PTGER3: variants seen among roughly 807,000 people sequenced by gnomAD.
PTGER3 encodes the protein prostaglandin E2 receptor EP3 subtype.
Under a neutral mutation model 34.7 loss-of-function variants are expected in PTGER3, and 22 were observed. That is an observed-to-expected ratio of 0.63 (90% CI 0.45 to 0.91). PTGER3 has a LOEUF of 0.91. Ranked by LOEUF, PTGER3 falls within the 40% of genes least tolerant of loss-of-function variation. PTGER3 has a pLI of 0.00. For missense variants in PTGER3, 468 were observed against 519.4 expected (o/e 0.90, Z 0.96); for synonymous variants, 241 against 230.1 (o/e 1.05, Z -0.43).
intron 2 of PTGER3, chr1:71,007,082 G>A (rs1443113592): frequency 2.0e-6 from 2 of 984,618 alleles, no homozygotes; most frequent in Non-Finnish European, 2.4e-6. Flanking sequence ...ACTTTACATA[G>A]AGGTGATAAA....
chr1:70,856,389 G>A (rs1163680402), intron 4 of PTGER3, among the ~76,000 whole-genome samples: 1 of 139,150 alleles, frequency 7.2e-6, no homozygotes, highest in Non-Finnish European at 1.5e-5. Context: ...GCAGTGAGTC[G>A]ATATTGCACC....
chr1:70,919,542 A>G (rs992283649), intron 4 of PTGER3, among the ~76,000 whole-genome samples: 2 of 152,194 alleles, frequency 1.3e-5, no homozygotes, highest in African/African-American at 4.8e-5. Flanking sequence ...ATCTACTTGT[A>G]TGTATTTAAA....
chr1:70,962,489 A>C (rs1286452488), intron 2 of PTGER3, among the ~76,000 whole-genome samples: 1 of 152,172 alleles, frequency 6.6e-6, no homozygotes, highest in East Asian at 1.9e-4. Flanking sequence ...TCTATAAAAA[A>C]AAAAGACGTT....
At chr1:70,981,323 CTTTCTTTCTTTCTTTCTTT>C (rs1654271858) in intron 2 of PTGER3, among the ~76,000 whole-genome samples, 1 of 52,754 alleles carries the variant, frequency 1.9e-5, no homozygotes, top group South Asian at 5.3e-4. Context: ...TTCCTTTCTT[CTTTCTTTCTTTCTTTCTTT>C]CTTTCTTTCT....
At chr1:70,938,889 G>T (rs923911093) in intron 4 of PTGER3, among the ~76,000 whole-genome samples, 1 of 151,992 alleles carries the variant, frequency 6.6e-6, no homozygotes, top group Non-Finnish European at 1.5e-5. Flanking sequence ...ATTCCACGCC[G>T]GCCCCTCCAA....
chr1:70,979,646 TC>T (rs1175857075), intron 2 of PTGER3, among the ~76,000 whole-genome samples: 1 of 152,056 alleles, frequency 6.6e-6, no homozygotes, highest in Non-Finnish European at 1.5e-5. Context: ...TTCTTATCTT[TC>T]CTCTCAGAAT....
intron 4 of PTGER3, among the ~76,000 whole-genome samples, chr1:70,944,599 G>A (rs1650050697): frequency 6.6e-6 from 1 of 152,002 alleles, no homozygotes; most frequent in Non-Finnish European, 1.5e-5. Context: ...AGATAAACAT[G>A]GATAGCATAT....
In PTGER3 at chr1:71,027,156, T is replaced by G. The variant is rs190313923; in HGVS notation, c.898-14672A>C. Among the ~76,000 whole-genome samples, 323 of 152,276 alleles carry G rather than the reference T, an allele frequency of 2.1e-3. 4 individuals are homozygous for G. Among genetic ancestry groups the G allele is most frequent in the African/African-American group, 7.4e-3 (309 of 41,566 alleles). On this transcript the variant is annotated intron_variant, in intron 1 of 3. Coordinates refer to ENST00000306666, the MANE Select transcript of PTGER3 (RefSeq NM_198719.2). ...AATTCATCTAAAATCCTATATTTGATGTAAGTTTCTTTTGTTATTTTTTTT... is the reference window on the plus strand; with the variant it reads ...AATTCATCTAAAATCCTATATTTGAGGTAAGTTTCTTTTGTTATTTTTTTT...
rs573760617 is a variant in PTGER3, at chr1:70,975,064, A to C, written c.1078-676T>G. 1.2e-4 allele frequency among the ~76,000 whole-genome samples: 18 copies of C among 152,266 alleles called. No individual in the cohort carries two copies. The East Asian group carries it at 2.3e-3, about 20-fold the overall frequency. On this transcript the variant is annotated intron_variant, in intron 2 of 3. Coordinates refer to ENST00000306666, the MANE Select transcript of PTGER3 (RefSeq NM_198719.2). Reference sequence around the variant, plus strand: ...ACTGGTGCCTCACTATATGACATCTACTATTTTTTCTTTCAGGAACTCATG... The same window carrying C: ...ACTGGTGCCTCACTATATGACATCTCCTATTTTTTCTTTCAGGAACTCATG...
At chr1:70,940,877 A>C (rs934779592) in intron 4 of PTGER3, among the ~76,000 whole-genome samples, 3 of 152,198 alleles carry the variant, frequency 2.0e-5, no homozygotes, top group Admixed American at 2.0e-4. Context: ...TTTGGGTCTT[A>C]GATTCATGTT....
chr1:70,885,527 G>T (rs1259953367), intron 4 of PTGER3, among the ~76,000 whole-genome samples: 1 of 152,088 alleles, frequency 6.6e-6, no homozygotes, highest in Non-Finnish European at 1.5e-5. Context: ...CATATATTAT[G>T]TAATATGACT....
chr1:70,971,775 G>A (rs752949984), intron 3 of PTGER3, 42 bp from the exon 4 acceptor site: 3 of 1,388,768 alleles, frequency 2.2e-6, no homozygotes, highest in Non-Finnish European at 2.0e-6. Flanking sequence ...GCATGGATGG[G>A]GATTATTTTT....
At chr1:70,881,404 T>G (rs1646387103) in intron 4 of PTGER3, among the ~76,000 whole-genome samples, 1 of 152,228 alleles carries the variant, frequency 6.6e-6, no homozygotes, top group East Asian at 1.9e-4. Context: ...GAATGCTAGT[T>G]CTGACATTTT....
intron 4 of PTGER3, among the ~76,000 whole-genome samples, chr1:70,871,586 A>G (rs1205141544): frequency 6.6e-6 from 1 of 152,092 alleles, no homozygotes; most frequent in Admixed American, 6.5e-5. Context: ...TGATTTTTTC[A>G]CCATGGGCCC....
intron 2 of PTGER3, among the ~76,000 whole-genome samples, chr1:70,986,416 A>G (rs1458092193): frequency 6.6e-6 from 1 of 152,168 alleles, no homozygotes; most frequent in Non-Finnish European, 1.5e-5. Flanking sequence ...ACGCCATGGC[A>G]GAGACAGCAG....
intron 4 of PTGER3, among the ~76,000 whole-genome samples, chr1:70,893,677 G>C (rs1235204895): frequency 6.6e-6 from 1 of 152,148 alleles, no homozygotes; most frequent in African/African-American, 2.4e-5. Flanking sequence ...GGACTTTTCT[G>C]CGAATTTATA....
chr1:70,943,348 C>T (rs1281462088), intron 4 of PTGER3, among the ~76,000 whole-genome samples: 1 of 152,088 alleles, frequency 6.6e-6, no homozygotes, highest in African/African-American at 2.4e-5. Context: ...GGGTGACAAT[C>T]ATGTAGCCTG....
intron 2 of PTGER3, among the ~76,000 whole-genome samples, chr1:70,985,355 G>C (rs1013905577): frequency 1.3e-5 from 2 of 152,190 alleles, no homozygotes; most frequent in African/African-American, 4.8e-5. Flanking sequence ...ATGGAAGGCA[G>C]TGGAAAGCTG....
chr1:70,973,599 G>T (rs888768884), intron 3 of PTGER3, among the ~76,000 whole-genome samples: 1 of 152,074 alleles, frequency 6.6e-6, no homozygotes, highest in African/African-American at 2.4e-5. Flanking sequence ...AATAAAATGA[G>T]CATGCTTTTT....
Sources: allele counts gnomAD v4.1 joint callset (sites outside exome capture counted in the v4.1 genomes callset), GRCh38; gene constraint gnomAD v4.1.1; transcripts MANE v1.5; gene names NCBI Gene and HGNC (gene_info 2026-07-23, HGNC 2026-07-21).